TESK2: variants seen among roughly 807,000 people sequenced by gnomAD.
The protein encoded by TESK2 is testis associated actin remodelling kinase 2, also known as dual specificity testis-specific protein kinase 2.
Under a neutral mutation model 57.1 loss-of-function variants are expected in TESK2, and 39 were observed. The ratio of observed to expected loss-of-function variants is 0.68; its 90% CI spans 0.53 to 0.89. TESK2 has a LOEUF of 0.89. Among genes scored for constraint, TESK2 ranks in the 40% least tolerant of loss-of-function variants. The pLI, the probability that TESK2 is intolerant of heterozygous loss-of-function variation, is 0.00. For missense variants in TESK2, 646 were observed against 732.1 expected (o/e 0.88, Z 1.36); for synonymous variants, 249 against 267.9 (o/e 0.93, Z 0.69).
At chr1:45,346,131 G>T (rs187907260) in intron 9 of TESK2, 137 bp from the exon 10 acceptor site, 2 of 700,654 alleles carry the variant, frequency 2.9e-6, no homozygotes, top group East Asian at 5.1e-5. Flanking sequence ...AGACAATGAA[G>T]GTGATCCCTA....
rs36044262 is a variant in TESK2 at position 45,462,899 on chromosome 1, T to C, written c.-86-5028A>G. ...CCTCTTCTCCACATCTTGGTTAGCA[T>C]TATTTGCCCATCTTTTGAATAAAAG... On this transcript the variant is annotated intron_variant, in intron 1 of 10. Transcript: ENST00000372086. Among the ~76,000 whole-genome samples the C allele has an allele frequency of 2.8e-3, 431 of 152,322 alleles. 2 individuals are homozygous for C. The highest frequency in any genetic ancestry group is 0.01 in the Middle Eastern group (3 of 294).
intron 3 of TESK2, among the ~76,000 whole-genome samples, chr1:45,393,811 G>C (rs535525793): frequency 6.6e-6 from 1 of 150,786 alleles, no homozygotes; most frequent in Non-Finnish European, 1.5e-5. Context: ...ATACTATAAA[G>C]AGGAAATATT....
chr1:45,451,902 AG>A (rs1213563016), intron 2 of TESK2, among the ~76,000 whole-genome samples: 1 of 151,814 alleles, frequency 6.6e-6, no homozygotes, highest in Non-Finnish European at 1.5e-5. Flanking sequence ...GCATGATGGC[AG>A]GTGCCTGTAA....
intron 1 of TESK2, among the ~76,000 whole-genome samples, chr1:45,488,473 A>G (rs897365340): frequency 1.3e-5 from 2 of 152,190 alleles, no homozygotes; most frequent in Admixed American, 1.3e-4. Context: ...TATTTCCTAG[A>G]TGAACCTTCC....
chr1:45,485,583 A>T (rs1382751201), intron 1 of TESK2, among the ~76,000 whole-genome samples: 2 of 149,494 alleles, frequency 1.3e-5, no homozygotes, highest in African/African-American at 4.9e-5. Flanking sequence ...CAGTGGCATG[A>T]TCTCGGCTCA....
At chr1:45,445,511 G>A (rs1651609419) in intron 2 of TESK2, among the ~76,000 whole-genome samples, 1 of 151,718 alleles carries the variant, frequency 6.6e-6, no homozygotes, top group African/African-American at 2.4e-5. Context: ...CCACGACCAG[G>A]TGCAGTGGCT....
chr1:45,483,682 G>T (rs1653330704), intron 1 of TESK2, among the ~76,000 whole-genome samples: 1 of 152,134 alleles, frequency 6.6e-6, no homozygotes, highest in African/African-American at 2.4e-5. Flanking sequence ...GCCGCGAGGG[G>T]GCGGCGGAGG....
At chr1:45,413,620 T>C (rs1244307584) in intron 3 of TESK2, among the ~76,000 whole-genome samples, 2 of 152,122 alleles carry the variant, frequency 1.3e-5, no homozygotes, top group Non-Finnish European at 2.9e-5. Flanking sequence ...CTCTCTCTCT[T>C]TCTTTTAAGC....
chr1:45,414,154 T>G (rs1192492283), intron 3 of TESK2, among the ~76,000 whole-genome samples: 1 of 152,206 alleles, frequency 6.6e-6, no homozygotes, highest in African/African-American at 2.4e-5. Context: ...GGCCACTGGT[T>G]AGAATAATTT....
intron 3 of TESK2, among the ~76,000 whole-genome samples, chr1:45,410,073 G>A (rs906046430): frequency 1.3e-5 from 2 of 151,944 alleles, no homozygotes; most frequent in African/African-American, 2.4e-5. Flanking sequence ...GCTGAAGCAC[G>A]AGAACCTGGG....
At chr1:45,439,004 T>C (rs535059152) in intron 2 of TESK2, among the ~76,000 whole-genome samples, 1 of 152,292 alleles carries the variant, frequency 6.6e-6, no homozygotes, top group African/African-American at 2.4e-5. Flanking sequence ...TTTAGTACAG[T>C]TGTGACACTG....
intron 1 of TESK2, among the ~76,000 whole-genome samples, chr1:45,477,357 T>G (rs1653040476): frequency 6.6e-6 from 1 of 152,176 alleles, no homozygotes; most frequent in African/African-American, 2.4e-5. Flanking sequence ...CTTTAATATT[T>G]TTTCCTGATA....
intron 2 of TESK2, among the ~76,000 whole-genome samples, chr1:45,425,026 T>C (rs1314575473): frequency 6.6e-6 from 1 of 152,140 alleles, no homozygotes; most frequent in South Asian, 2.1e-4. Flanking sequence ...CTTTTACCAC[T>C]GTTATTTAAC....
chr1:45,426,336 C>T (rs1360559725), intron 2 of TESK2, among the ~76,000 whole-genome samples: 3 of 152,164 alleles, frequency 2.0e-5, no homozygotes, highest in Non-Finnish European at 4.4e-5. Context: ...ACAAAAGTAC[C>T]AAGAACATAC....
chr1:45,437,240 C>A (rs145772071), intron 2 of TESK2, among the ~76,000 whole-genome samples: 1 of 152,048 alleles, frequency 6.6e-6, no homozygotes, highest in East Asian at 1.9e-4. Context: ...CTTTCATTAG[C>A]GTTTTGCAGT....
intron 1 of TESK2, among the ~76,000 whole-genome samples, chr1:45,487,878 C>T (rs926028501): frequency 1.3e-5 from 2 of 151,950 alleles, no homozygotes; most frequent in African/African-American, 2.4e-5. Context: ...TATATTATTT[C>T]TAACTAGTAG....
chr1:45,420,000 G>C (rs750911117), intron 3 of TESK2, among the ~76,000 whole-genome samples: 4 of 152,118 alleles, frequency 2.6e-5, no homozygotes, highest in Non-Finnish European at 5.9e-5. Context: ...TAAGCCATAT[G>C]AGTTCTCTCT....
At chr1:45,472,866 G>A (rs762243449) in intron 1 of TESK2, among the ~76,000 whole-genome samples, 37 of 151,322 alleles carry the variant, frequency 2.4e-4, no homozygotes, top group Admixed American at 1.1e-3. Context: ...TGCCGGGCGC[G>A]GTGGCTTACG....
intron 4 of TESK2, among the ~76,000 whole-genome samples, chr1:45,378,768 T>C (rs1648533562): frequency 6.6e-6 from 1 of 152,220 alleles, no homozygotes; most frequent in Non-Finnish European, 1.5e-5. Flanking sequence ...CCTAGCAAAG[T>C]ACCTAGCCCA....
Sources: gnomAD v4.1 joint callset for allele counts (sites outside exome capture counted in the v4.1 genomes callset) on GRCh38, gnomAD v4.1.1 for gene constraint, MANE v1.5 for transcripts, NCBI Gene and HGNC (gene_info 2026-07-23, HGNC 2026-07-21) for gene names.